Variants in CDH18 observed in about 807,000 individuals in gnomAD.
CDH18 encodes cadherin-18.
Under a neutral mutation model 67.9 loss-of-function variants are expected in CDH18, and 31 were observed. That is an observed-to-expected ratio of 0.46 (90% CI 0.34 to 0.62). CDH18 has a LOEUF of 0.62. CDH18 is among the 20% of genes least tolerant of loss of function. CDH18 has a pLI of 0.01. For missense variants in CDH18, 890 were observed against 975.5 expected, an observed-to-expected ratio of 0.91 and a Z score of 1.17; for synonymous variants, 362 against 347.2, an observed-to-expected ratio of 1.04 and a Z score of -0.48.
chr5:19,946,044 C>T (rs1471128791), intron 2 of CDH18, among the ~76,000 whole-genome samples: 1 of 151,950 alleles, frequency 6.6e-6, no homozygotes, highest in Non-Finnish European at 1.5e-5. Flanking sequence ...AAGATACCCA[C>T]ACCAAGACAA....
intron 1 of CDH18, among the ~76,000 whole-genome samples, chr5:20,424,851 A>G (rs1447074909): frequency 6.7e-6 from 1 of 149,968 alleles, no homozygotes; most frequent in Non-Finnish European, 1.5e-5. Flanking sequence ...ATTTTCAGTC[A>G]ATCAGAATCC....
intron 2 of CDH18, among the ~76,000 whole-genome samples, chr5:19,907,179 A>C (rs1301470283): frequency 2.0e-5 from 3 of 152,004 alleles, no homozygotes; most frequent in African/African-American, 7.2e-5. Context: ...ATATAAAAAA[A>C]TTCATGGTTA....
chr5:19,879,521 A>T (rs887486222), intron 2 of CDH18, among the ~76,000 whole-genome samples: 4 of 151,972 alleles, frequency 2.6e-5, no homozygotes, highest in Non-Finnish European at 5.9e-5. Context: ...CTGCTTTATT[A>T]TTTCCTTAGG....
chr5:20,150,396 T>C (rs967813151), intron 2 of CDH18, among the ~76,000 whole-genome samples: 4 of 152,018 alleles, frequency 2.6e-5, no homozygotes, highest in Admixed American at 2.6e-4. Context: ...ATTTAAAGTA[T>C]TGAAGCTTGT....
rs996487019 is a variant in CDH18, at chr5:19,473,720, A to G, written c.1883-4T>C. On this transcript the variant is annotated splice_region_variant and splice_polypyrimidine_tract_variant and intron_variant, in intron 12 of 12. Transcript: ENST00000382275. ...GTGATAAAAAGTACCACAATTGCTG[A>G]GGAAGAATGGAAAAAGGATGAAGAA... 7 of 1,580,396 alleles carry G rather than the reference A, an allele frequency of 4.4e-6. No individual in the cohort carries two copies. In the African/African-American group the frequency reaches 9.5e-5, roughly 22 times the overall value.
At chr5:20,490,851 T>A (rs75916858) in intron 1 of CDH18, among the ~76,000 whole-genome samples, 1 of 152,182 alleles carries the variant, frequency 6.6e-6, no homozygotes, top group African/African-American at 2.4e-5. Context: ...TAATACCTTG[T>A]ACATATTGAA....
At chr5:20,037,603 A>G (rs1739993764) in intron 2 of CDH18, among the ~76,000 whole-genome samples, 1 of 152,154 alleles carries the variant, frequency 6.6e-6, no homozygotes, top group Non-Finnish European at 1.5e-5. Flanking sequence ...CTGAATGACT[A>G]CTGGGTAAAT....
intron 2 of CDH18, among the ~76,000 whole-genome samples, chr5:20,117,816 G>T (rs183154200): frequency 1.8e-3 from 275 of 152,184 alleles, no homozygotes; most frequent in African/African-American, 6.4e-3. Flanking sequence ...AGTATTTTTT[G>T]TTTAATAGGT....
intron 2 of CDH18, among the ~76,000 whole-genome samples, chr5:20,169,724 C>T (rs1042365381): frequency 5.3e-5 from 8 of 152,084 alleles, no homozygotes; most frequent in African/African-American, 1.4e-4. Context: ...ATTTAGGTAA[C>T]AGACTCACTA....
intron 1 of CDH18, among the ~76,000 whole-genome samples, chr5:20,526,284 CGGGGAGGGGCAGCCATGGTCTCAGGTTCA>C (rs1413743948): frequency 1.3e-5 from 2 of 152,062 alleles, no homozygotes; most frequent in African/African-American, 4.8e-5. Flanking sequence ...GAGCACCTAG[CGGGGAGGGGCAGCCATGGTCTCAGGTTCA>C]GGGGACCTAA....
chr5:20,458,885 T>C (rs112811139), intron 1 of CDH18, among the ~76,000 whole-genome samples: 14 of 152,276 alleles, frequency 9.2e-5, no homozygotes, highest in Non-Finnish European at 1.8e-4. Flanking sequence ...GTCTTTTCCT[T>C]TCAGAAGCAT....
At chr5:20,123,597 A>T (rs1748556477) in intron 2 of CDH18, among the ~76,000 whole-genome samples, 1 of 152,146 alleles carries the variant, frequency 6.6e-6, no homozygotes, top group African/African-American at 2.4e-5. Context: ...AAGAATTTAC[A>T]GGTCGGCCCG....
At chr5:20,499,129 C>T (rs935776381) in intron 1 of CDH18, among the ~76,000 whole-genome samples, 4 of 152,124 alleles carry the variant, frequency 2.6e-5, no homozygotes, top group Middle Eastern at 3.4e-3. Flanking sequence ...CACACATACA[C>T]ACACACACAC....
At chr5:19,924,547 G>C (rs927701322) in intron 2 of CDH18, among the ~76,000 whole-genome samples, 3 of 152,072 alleles carry the variant, frequency 2.0e-5, no homozygotes, top group African/African-American at 7.2e-5. Flanking sequence ...GATCACTTGA[G>C]CCTGGGAGAC....
intron 2 of CDH18, among the ~76,000 whole-genome samples, chr5:20,077,312 C>A (rs1744036006): frequency 1.3e-5 from 2 of 152,312 alleles, no homozygotes; most frequent in Admixed American, 1.3e-4. Context: ...AACTTCATAA[C>A]CTAACAATAA....
intron 2 of CDH18, among the ~76,000 whole-genome samples, chr5:20,237,602 A>G (rs1280129520): frequency 6.6e-6 from 1 of 151,952 alleles, no homozygotes; most frequent in Non-Finnish European, 1.5e-5. Context: ...TAAATCTGAT[A>G]AAATATATAA....
At chr5:19,736,013 GGAT>G (rs1312711410) in intron 4 of CDH18, among the ~76,000 whole-genome samples, 2 of 152,084 alleles carry the variant, frequency 1.3e-5, no homozygotes, top group African/African-American at 4.8e-5. Flanking sequence ...AGAAATAATT[GGAT>G]GAGACATTTA....
intron 2 of CDH18, among the ~76,000 whole-genome samples, chr5:19,848,855 A>G (rs1664674432): frequency 1.3e-5 from 2 of 150,072 alleles, no homozygotes; most frequent in African/African-American, 4.9e-5. Context: ...TGCTATATAT[A>G]GCATTTTATA....
At chr5:19,970,261 C>G (rs1303590323) in intron 2 of CDH18, among the ~76,000 whole-genome samples, 1 of 151,078 alleles carries the variant, frequency 6.6e-6, no homozygotes, top group Non-Finnish European at 1.5e-5. Flanking sequence ...ATAAATATCA[C>G]AAGAATATAA....
Sources: gnomAD v4.1 joint callset for allele counts (sites outside exome capture counted in the v4.1 genomes callset) on GRCh38, gnomAD v4.1.1 for gene constraint, MANE v1.5 for transcripts, NCBI Gene and HGNC (gene_info 2026-07-23, HGNC 2026-07-21) for gene names.